Variants in ABCA9 observed in about 807,000 individuals in gnomAD.
ABCA9 encodes ATP-binding cassette sub-family A member 9.
A neutral mutation model predicts 205.3 loss-of-function variants in ABCA9; 183 were observed. The ratio of observed to expected loss-of-function variants is 0.89; its 90% CI spans 0.79 to 1.01. The LOEUF (loss-of-function observed/expected upper bound fraction) is 1.01. ABCA9 is among the 50% of genes least tolerant of loss of function. The probability of loss-of-function intolerance (pLI) is 0.00; values close to 1 mark genes in which losing one functional copy is unlikely to be tolerated. For missense variants in ABCA9, 1,805 were observed against 1,912.4 expected, an observed-to-expected ratio of 0.94 and a Z score of 1.05; for synonymous variants, 651 against 683.3, an observed-to-expected ratio of 0.95 and a Z score of 0.74.
intron 26 of ABCA9, among the ~76,000 whole-genome samples, chr17:68,993,817 A>G (rs1311180282): frequency 6.6e-6 from 1 of 152,128 alleles, no homozygotes; most frequent in African/African-American, 2.4e-5. Flanking sequence ...CCCACTTTCA[A>G]TAATTGCACC....
At chr17:69,058,604 C>T (rs901835616) in intron 1 of ABCA9, among the ~76,000 whole-genome samples, 40 of 152,240 alleles carry the variant, frequency 2.6e-4, no homozygotes, top group African/African-American at 8.9e-4. Flanking sequence ...CTTTGGGAGG[C>T]TGAGGCAGGT....
intron 8 of ABCA9, chr17:69,034,595 CAATGGA>C (rs2144385013): frequency 6.6e-6 from 1 of 152,204 alleles, no homozygotes; most frequent in Admixed American, 6.5e-5. Context: ...AGTAATCTAC[CAATGGA>C]CATTTACGTT....
chr17:69,012,664 CA>C (rs2070424469), intron 22 of ABCA9, among the ~76,000 whole-genome samples: 1 of 152,020 alleles, frequency 6.6e-6, no homozygotes, highest in Non-Finnish European at 1.5e-5. Context: ...CACAGGCATG[CA>C]ATGTGAAGTA....
chr17:68,993,006 GTCT>G lies in ABCA9; in HGVS notation c.3624+7_3624+9del, dbSNP rs1466327718. ...TCATGCAAGAATGTTGAAAAAAAAA[GTCT>G]TCTTACTATTAGCAGTGCCAGGTAT... On this transcript the variant is annotated splice_region_variant and intron_variant, in intron 27 of 38. Transcript: ENST00000340001. The G allele has an allele frequency of 2.5e-6, 4 of 1,601,628 alleles. No homozygotes were observed. The highest frequency in any genetic ancestry group is 2.2e-5 in the South Asian group (2 of 89,986).
intron 2 of ABCA9, among the ~76,000 whole-genome samples, chr17:69,050,528 A>G (rs554474421): frequency 6.6e-6 from 1 of 152,310 alleles, no homozygotes; most frequent in Non-Finnish European, 1.5e-5. Flanking sequence ...TAATAGAAGT[A>G]AAAGATCACA....
At chr17:69,032,079 T>C (rs537921303) in intron 10 of ABCA9, 29 bp downstream of exon 10, 56 of 1,585,258 alleles carry the variant, frequency 3.5e-5, no homozygotes, top group Admixed American at 8.7e-5. Flanking sequence ...CTGTTCTCCA[T>C]TGGTGCCTCC....
intron 1 of ABCA9, among the ~76,000 whole-genome samples, chr17:69,057,676 A>G (rs1567978469): frequency 6.6e-6 from 1 of 152,242 alleles, no homozygotes; most frequent in Admixed American, 6.5e-5. Context: ...TAGTGCGGGT[A>G]CAATGTAATT....
At chr17:69,013,342 T>C (rs772987822) in intron 22 of ABCA9, among the ~76,000 whole-genome samples, 4 of 152,166 alleles carry the variant, frequency 2.6e-5, no homozygotes, top group Non-Finnish European at 5.9e-5. Context: ...GTTTCTTTAC[T>C]TCTCTGTTCT....
the ABCA9 span, among the ~76,000 whole-genome samples, chr17:69,075,966 T>C: frequency 6.6e-6 from 1 of 152,046 alleles, no homozygotes; most frequent in Non-Finnish European, 1.5e-5. Context: ...GATGTATTCC[T>C]AGGAATTTAT....
Position 68,989,013 on chromosome 17 carries a change from TAC to T in ABCA9, c.4047+12_4047+13del, listed in dbSNP as rs536404636. 2.7e-4 allele frequency: 417 copies of T among 1,549,826 alleles called. 2 individuals carry two copies. The East Asian group carries it at 8.5e-3, about 32-fold the overall frequency. On this transcript the variant is annotated intron_variant, in intron 31 of 38. Transcript: ENST00000340001. ...GGTAGCACTAATGACCATATTCCTG[TAC>T]GTTTTACTGACCTGTCCTGCAGTTG...
intron 5 of ABCA9, 49 bp downstream of exon 5, chr17:69,044,448 A>C: frequency 6.6e-7 from 1 of 1,509,082 alleles, no homozygotes; most frequent in Non-Finnish European, 9.2e-7. Flanking sequence ...ATCACCATCC[A>C]GCAAAATTCA....
At chr17:68,993,231 C>CTCCCCTAACCTTACCTGTATTTCT in intron 26 of ABCA9, 147 bp from the exon 27 acceptor site, 1 of 655,020 alleles carries the variant, frequency 1.5e-6, no homozygotes, top group Non-Finnish European at 2.6e-6. Context: ...AAGTTAATTT[C>CTCCCCTAACCTTACCTGTATTTCT]GGACTGTGCA....
chr17:69,017,565 A>G, intron 21 of ABCA9, 91 bp downstream of exon 21: 1 of 1,419,576 alleles, frequency 7.0e-7, no homozygotes, highest in Non-Finnish European at 9.6e-7. Context: ...GTTTGTGTGA[A>G]ATTGGCCTTT....
At chr17:69,014,822 A>G (rs984897439) in intron 22 of ABCA9, among the ~76,000 whole-genome samples, 11 of 152,166 alleles carry the variant, frequency 7.2e-5, no homozygotes, top group African/African-American at 2.7e-4. Context: ...ACATCAAACA[A>G]TGAACAATGT....
At chr17:69,076,334 A>G in the ABCA9 span, among the ~76,000 whole-genome samples, 1 of 152,208 alleles carries the variant, frequency 6.6e-6, no homozygotes, top group African/African-American at 2.4e-5. Context: ...TGATTTGTGT[A>G]TGTTGAACCA....
intron 6 of ABCA9, 150 bp downstream of exon 6, chr17:69,043,339 C>T: frequency 1.7e-6 from 1 of 582,620 alleles, no homozygotes; most frequent in South Asian, 2.3e-5. Context: ...GCCTGCCACT[C>T]ACCTCCTGCT....
At chr17:69,065,254 C>T (rs1310956987), upstream of ABCA9, among the ~76,000 whole-genome samples, 1 of 152,152 alleles carries the variant, frequency 6.6e-6, no homozygotes, top group East Asian at 1.9e-4. Flanking sequence ...TCAAATATTG[C>T]TTTCCTTCTA....
chr17:68,987,741 TTTTTGTTTG>T (rs1308486691), intron 31 of ABCA9, among the ~76,000 whole-genome samples: 1 of 136,106 alleles, frequency 7.3e-6, no homozygotes, highest in African/African-American at 2.7e-5. Context: ...TTTGCGTTTT[TTTTTGTTTG>T]TTTGTTTGTT....
intron 25 of ABCA9, among the ~76,000 whole-genome samples, chr17:68,996,239 A>G (rs2069620448): frequency 6.6e-6 from 1 of 152,202 alleles, no homozygotes; most frequent in Non-Finnish European, 1.5e-5. Flanking sequence ...CTCAATCTCA[A>G]TGGCATACAA....
Sources: allele counts gnomAD v4.1 joint callset (sites outside exome capture counted in the v4.1 genomes callset), GRCh38; gene constraint gnomAD v4.1.1; transcripts MANE v1.5; gene names NCBI Gene and HGNC (gene_info 2026-07-23, HGNC 2026-07-21).